Variants in PRELID2 observed in about 807,000 individuals in gnomAD.
The protein encoded by PRELID2 is PRELI domain-containing protein 2.
Under a neutral mutation model 28.4 loss-of-function variants are expected in PRELID2, and 25 were observed. The observed-to-expected ratio is 0.88, with a 90% CI of 0.64 to 1.23. The LOEUF (loss-of-function observed/expected upper bound fraction) is 1.23, where lower values mean the gene tolerates loss of function less well. Ranked by LOEUF, PRELID2 falls within the 50% of genes most tolerant of loss-of-function variation. The probability of loss-of-function intolerance (pLI) is 0.00; values close to 1 mark genes in which losing one functional copy is unlikely to be tolerated. For synonymous variants in PRELID2, 76 were observed against 71.6 expected (o/e 1.06, Z -0.31); for missense variants, 201 against 214.4 (o/e 0.94, Z 0.39).
chr5:145,718,779 G>A (rs1755908394), intron 1 of PRELID2, among the ~76,000 whole-genome samples: 1 of 151,902 alleles, frequency 6.6e-6, no homozygotes, highest in East Asian at 1.9e-4. Context: ...GATTGTTTAA[G>A]AGAAGGTATT....
chr5:145,810,906 C>CT lies in PRELID2; in HGVS notation c.368+6987dup, dbSNP rs535419146. The stretch of plus-strand genomic sequence containing the variant: ...CAGAGGCAGAATTCTTCTTTTTCCT[C>CT]TTTTTTTGTTTGAGACAGAGGTTGT... On this transcript the variant is annotated intron_variant, in intron 4 of 6. Coordinates refer to ENST00000683046, the MANE Select transcript of PRELID2 (RefSeq NM_205846.3). 1.4e-3 allele frequency among the ~76,000 whole-genome samples: 219 copies of CT among 151,972 alleles called. 1 individual carries two copies. The highest frequency in any genetic ancestry group is 5.0e-3 in the African/African-American group (209 of 41,476).
the PRELID2 span, among the ~76,000 whole-genome samples, chr5:145,325,952 G>A: frequency 5.9e-5 from 9 of 152,008 alleles, no homozygotes; most frequent in Non-Finnish European, 8.8e-5. Flanking sequence ...CCACATGAAC[G>A]CTCCAAAAAT....
At chr5:145,549,476 T>C (rs1752814583) in intron 1 of PRELID2, among the ~76,000 whole-genome samples, 1 of 152,170 alleles carries the variant, frequency 6.6e-6, no homozygotes, top group Non-Finnish European at 1.5e-5. Flanking sequence ...CAGTGAATGC[T>C]ATATTAAGTG....
the PRELID2 span, among the ~76,000 whole-genome samples, chr5:145,461,344 AGG>A: frequency 4.9e-4 from 1 of 2,052 alleles, no homozygotes; most frequent in Non-Finnish European, 6.7e-4. Context: ...TCTGTCGCCC[AGG>A]CTGGGGGGTG....
chr5:145,722,606 C>T (rs925882657), intron 1 of PRELID2, among the ~76,000 whole-genome samples: 1 of 152,158 alleles, frequency 6.6e-6, no homozygotes, highest in Non-Finnish European at 1.5e-5. Flanking sequence ...TCAAGCGATT[C>T]TCCTGCCTCA....
In PRELID2 at chr5:145,782,106, C is replaced by T. The variant is rs75208223; in HGVS notation, c.474+14336G>A. ...AGAGGAACACTAAGAAAGCAAGTCT[C>T]ATATTAAGTGTTTTGAAGATGAGGA... On this transcript the variant is annotated intron_variant, in intron 5 of 6. Coordinates refer to ENST00000683046, the MANE Select transcript of PRELID2 (RefSeq NM_205846.3). Among the ~76,000 whole-genome samples, 1,218 of 152,250 alleles carry T rather than the reference C, an allele frequency of 8.0e-3. 15 individuals are homozygous for T. Among genetic ancestry groups the T allele is most frequent in the African/African-American group, 0.028 (1,164 of 41,542 alleles).
At chr5:145,514,369 C>A (rs1009879213) in intron 1 of PRELID2, among the ~76,000 whole-genome samples, 8 of 147,206 alleles carry the variant, frequency 5.4e-5, no homozygotes, top group African/African-American at 2.0e-4. Context: ...ATTAAACAGA[C>A]TTTAAACCAG....
chr5:145,510,652 G>A (rs1349721647), intron 1 of PRELID2, among the ~76,000 whole-genome samples: 1 of 152,214 alleles, frequency 6.6e-6, no homozygotes, highest in East Asian at 1.9e-4. Context: ...GCTATCTCCT[G>A]GAACTGTTGA....
intron 1 of PRELID2, among the ~76,000 whole-genome samples, chr5:145,834,152 A>G (rs1419355925): frequency 1.3e-5 from 2 of 152,262 alleles, no homozygotes; most frequent in East Asian, 1.9e-4. Context: ...ACAAACAACA[A>G]TAACATTTTA....
At chr5:145,573,021 G>A (rs761148078) in intron 1 of PRELID2, among the ~76,000 whole-genome samples, 1 of 152,186 alleles carries the variant, frequency 6.6e-6, no homozygotes, top group Non-Finnish European at 1.5e-5. Flanking sequence ...AGCCCAACAA[G>A]CTACCCTCCC....
intron 1 of PRELID2, among the ~76,000 whole-genome samples, chr5:145,597,347 T>C (rs1753324022): frequency 6.6e-6 from 1 of 152,200 alleles, no homozygotes; most frequent in Non-Finnish European, 1.5e-5. Context: ...AAGCCATATC[T>C]AGCCAAAGGT....
At chr5:145,400,499 A>G in the PRELID2 span, among the ~76,000 whole-genome samples, 17 of 152,016 alleles carry the variant, frequency 1.1e-4, no homozygotes, top group African/African-American at 3.9e-4. Context: ...GTGAGAGGGG[A>G]AAAAAATCTA....
the PRELID2 span, among the ~76,000 whole-genome samples, chr5:145,242,107 G>T: frequency 1.3e-5 from 2 of 151,830 alleles, no homozygotes; most frequent in South Asian, 4.1e-4. Flanking sequence ...AATATTATTT[G>T]TTACCAAAGG....
chr5:145,722,331 G>A (rs1254362753), intron 1 of PRELID2, among the ~76,000 whole-genome samples: 2 of 151,966 alleles, frequency 1.3e-5, no homozygotes, highest in African/African-American at 2.4e-5. Flanking sequence ...ACAGAGTCTC[G>A]CTCTGTCTCC....
intron 1 of PRELID2, among the ~76,000 whole-genome samples, chr5:145,531,353 A>G (rs955560327): frequency 2.3e-4 from 35 of 152,172 alleles, no homozygotes; most frequent in African/African-American, 7.7e-4. Flanking sequence ...CTGTTTTGAC[A>G]AGTGAGAGGT....
At chr5:145,308,648 ATTC>A in the PRELID2 span, among the ~76,000 whole-genome samples, 2 of 152,008 alleles carry the variant, frequency 1.3e-5, no homozygotes, top group African/African-American at 4.8e-5. Flanking sequence ...AATACAATGC[ATTC>A]TTCTTTCAGT....
intron 1 of PRELID2, among the ~76,000 whole-genome samples, chr5:145,741,359 T>TTTATTTATATATAAATTTTATTTATAAA (rs1756729985): frequency 1.7e-5 from 2 of 114,922 alleles, no homozygotes; most frequent in Non-Finnish European, 3.2e-5. Flanking sequence ...TAATAAATAA[T>TTTATTTATATATAAATTTTATTTATAAA]TTATTTATAT....
Position 145,576,459 on chromosome 5 carries a change from T to C in PRELID2, n.71-103144A>G, listed in dbSNP as rs75641122. 5.0e-3 allele frequency among the ~76,000 whole-genome samples: 766 copies of C among 152,286 alleles called. 8 individuals carry two copies. The highest frequency in any genetic ancestry group is 0.018 in the African/African-American group (728 of 41,558). On this transcript the variant is annotated intron_variant and non_coding_transcript_variant, in intron 1 of 2. Coordinates refer to the PRELID2 transcript ENST00000510259. ...CATGTATCAGTACTTTGCTCTTCTT[T>C]ATAGCTGAATAATATGTTATTGTAC...
intron 1 of PRELID2, among the ~76,000 whole-genome samples, chr5:145,643,677 G>C (rs990578029): frequency 2.6e-5 from 4 of 152,126 alleles, no homozygotes; most frequent in Admixed American, 2.6e-4. Context: ...ATTGTTTTGA[G>C]ATATGTTCCA....
Sources: allele counts gnomAD v4.1 joint callset (sites outside exome capture counted in the v4.1 genomes callset), GRCh38; gene constraint gnomAD v4.1.1; transcripts MANE v1.5; gene names NCBI Gene and HGNC (gene_info 2026-07-23, HGNC 2026-07-21).